LMO7: variants seen among roughly 807,000 people sequenced by gnomAD.
LMO7 encodes LIM domain 7, also known as LIM domain only protein 7.
LMO7 carries 120 observed loss-of-function variants against 206.5 expected under a neutral mutation model. The ratio of observed to expected loss-of-function variants is 0.58; its 90% CI spans 0.50 to 0.68. The LOEUF (loss-of-function observed/expected upper bound fraction) is 0.68, where lower values mean the gene tolerates loss of function less well. Ranked by LOEUF, LMO7 falls within the 30% of genes least tolerant of loss-of-function variation. LMO7 has a pLI of 0.00. For missense variants in LMO7, 1,959 were observed against 1,957.9 expected, an observed-to-expected ratio of 1.00 and a Z score of -0.01; for synonymous variants, 706 against 681.5, an observed-to-expected ratio of 1.04 and a Z score of -0.56.
At chr13:75,821,066 G>A in intron 13 of LMO7, 111 bp from the exon 14 acceptor site, 2 of 725,082 alleles carry the variant, frequency 2.8e-6, no homozygotes, top group Non-Finnish European at 2.3e-6. Context: ...ATTCTTGTGT[G>A]AAGTTAGCAT....
intron 4 of LMO7, among the ~76,000 whole-genome samples, chr13:75,780,028 C>G (rs2051079970): frequency 6.6e-6 from 1 of 152,052 alleles, no homozygotes; most frequent in Non-Finnish European, 1.5e-5. Flanking sequence ...GAGGAGTATA[C>G]AAATAGGGTA....
intron 2 of LMO7, chr13:75,627,257 T>C (rs926447619): frequency 1.3e-5 from 2 of 152,198 alleles, no homozygotes; most frequent in Non-Finnish European, 2.9e-5. Context: ...ATAAATTACA[T>C]AAGATATTCA....
intron 1 of LMO7, among the ~76,000 whole-genome samples, chr13:75,712,332 G>T (rs1337440213): frequency 6.6e-6 from 1 of 152,148 alleles, no homozygotes; most frequent in Non-Finnish European, 1.5e-5. Flanking sequence ...ACTGCTGTTG[G>T]TCCCTGCCCT....
intron 1 of LMO7, among the ~76,000 whole-genome samples, chr13:75,638,285 A>G (rs1032332494): frequency 1.3e-5 from 2 of 152,078 alleles, no homozygotes; most frequent in African/African-American, 4.8e-5. Flanking sequence ...TTTAGTATGC[A>G]CATTTTGGAA....
At chr13:75,620,957 G>A (rs1765913515) in exon 1 of LMO7, 1 of 152,160 alleles carries the variant, frequency 6.6e-6, no homozygotes, top group African/African-American at 2.4e-5. Flanking sequence ...TAACAATTAT[G>A]TAAAAGTCAT....
chr13:75,705,963 TCTTA>T (rs1271736883), intron 1 of LMO7, among the ~76,000 whole-genome samples: 1 of 152,176 alleles, frequency 6.6e-6, no homozygotes, highest in East Asian at 1.9e-4. Flanking sequence ...AGATGCAGCT[TCTTA>T]CTTTCATTCT....
In LMO7 at chr13:75,855,144, T is replaced by C. The variant is rs749034117; in HGVS notation, c.4662-116T>C. On this transcript the variant is annotated intron_variant, in intron 28 of 30. Transcript: ENST00000377534. ...GGTAAAAGTTATTCTCCCACAGATA[T>C]ATGTATAGAGCTTTTCTTAAATTAT... 137 of 594,488 alleles carry C rather than the reference T, an allele frequency of 2.3e-4. 2 individuals carry two copies. The highest frequency in any genetic ancestry group is 1.7e-3 in the South Asian group (64 of 38,460). The allele number at this position is 594,488 out of a possible 1,614,324, so 36.8% of individuals were successfully genotyped here. A position where few individuals can be genotyped will look rare whatever the true frequency, so the allele number is the denominator to read the frequency against.
intron 1 of LMO7, among the ~76,000 whole-genome samples, chr13:75,708,741 A>T (rs2042843967): frequency 6.6e-6 from 1 of 152,188 alleles, no homozygotes; most frequent in South Asian, 2.1e-4. Flanking sequence ...TCAGAAGAAT[A>T]TGCCATTCTC....
At chr13:75,686,208 G>C (rs2040975484) in intron 1 of LMO7, among the ~76,000 whole-genome samples, 1 of 152,076 alleles carries the variant, frequency 6.6e-6, no homozygotes, top group Admixed American at 6.6e-5. Context: ...CCAAGACTTG[G>C]CAATTTCCAA....
chr13:75,851,375 T>C (rs1327291859), intron 27 of LMO7, among the ~76,000 whole-genome samples: 1 of 152,202 alleles, frequency 6.6e-6, no homozygotes, highest in African/African-American at 2.4e-5. Flanking sequence ...TGTAAATTTG[T>C]ATGTATGTGT....
chr13:75,855,437 C>A (rs779564716), intron 29 of LMO7, 69 bp downstream of exon 29: 4 of 951,304 alleles, frequency 4.2e-6, no homozygotes, highest in Admixed American at 4.0e-5. Context: ...TGCTTTGAGC[C>A]GCTGGGTGTA....
intron 3 of LMO7, among the ~76,000 whole-genome samples, chr13:75,745,781 C>G (rs2046786373): frequency 6.6e-6 from 1 of 152,194 alleles, no homozygotes; most frequent in South Asian, 2.1e-4. Context: ...GGAGTTTGAA[C>G]TGAAACATTG....
At chr13:75,748,115 G>A (rs2046998587) in intron 3 of LMO7, among the ~76,000 whole-genome samples, 1 of 152,144 alleles carries the variant, frequency 6.6e-6, no homozygotes. Flanking sequence ...TCTGGAAGCT[G>A]GAAAAGGTGA....
At chr13:75,661,259 C>T (rs2038570956) in intron 1 of LMO7, among the ~76,000 whole-genome samples, 1 of 151,990 alleles carries the variant, frequency 6.6e-6, no homozygotes, top group South Asian at 2.1e-4. Flanking sequence ...TAGTAGATGC[C>T]AAAGGAAAGT....
chr13:75,635,317 G>A (rs2035638564), upstream of LMO7, among the ~76,000 whole-genome samples: 1 of 152,120 alleles, frequency 6.6e-6, no homozygotes, highest in Non-Finnish European at 1.5e-5. Flanking sequence ...TAGTGCCTCA[G>A]GAGCGTGGAG....
At chr13:75,731,121 G>T (rs1011555274) in intron 3 of LMO7, among the ~76,000 whole-genome samples, 1 of 152,110 alleles carries the variant, frequency 6.6e-6, no homozygotes, top group African/African-American at 2.4e-5. Context: ...TTGGGGTGGA[G>T]AGTTCCGTAG....
At chr13:75,622,558 C>CTTTAAG (rs917007736) in intron 1 of LMO7, among the ~76,000 whole-genome samples, 2 of 152,128 alleles carry the variant, frequency 1.3e-5, no homozygotes, top group African/African-American at 4.8e-5. Flanking sequence ...CTGATAATGC[C>CTTTAAG]TTTAAGTACT....
chr13:75,847,403 T>TTA (rs2060090623), intron 26 of LMO7, among the ~76,000 whole-genome samples: 1 of 152,226 alleles, frequency 6.6e-6, no homozygotes, highest in Admixed American at 6.5e-5. Context: ...TGTCAGCTTC[T>TTA]TAGAGTAGAA....
At chr13:75,639,714 G>A (rs951557276) in intron 1 of LMO7, among the ~76,000 whole-genome samples, 1 of 152,186 alleles carries the variant, frequency 6.6e-6, no homozygotes, top group South Asian at 2.1e-4. Flanking sequence ...ATTGAAACTG[G>A]GGTATGTAGC....
Sources: gnomAD v4.1 joint callset for allele counts (sites outside exome capture counted in the v4.1 genomes callset) on GRCh38, gnomAD v4.1.1 for gene constraint, MANE v1.5 for transcripts, NCBI Gene and HGNC (gene_info 2026-07-23, HGNC 2026-07-21) for gene names.